Variants in ENKUR observed in about 807,000 individuals in gnomAD.
ENKUR encodes enkurin, TRPC channel interacting protein, also known as enkurin.
Under a neutral mutation model 27.6 loss-of-function variants are expected in ENKUR, and 19 were observed. The ratio of observed to expected loss-of-function variants is 0.69; its 90% CI spans 0.48 to 1.01. ENKUR has a LOEUF of 1.01. Ranked by LOEUF, ENKUR falls within the 50% of genes least tolerant of loss-of-function variation. The pLI is 0.00. For synonymous variants in ENKUR, 117 were observed against 96.9 expected, an observed-to-expected ratio of 1.21 and a Z score of -1.22; for missense variants, 312 against 310.5, an observed-to-expected ratio of 1.00 and a Z score of -0.04.
chr10:25,025,281 G>T (rs1427625713), intron 2 of ENKUR: 21 of 1,614,012 alleles, frequency 1.3e-5, no homozygotes, highest in Non-Finnish European at 1.4e-5. Flanking sequence ...AAATCAATGA[G>T]ACTTCATCAA....
chr10:24,984,304 A>G lies in ENKUR; in HGVS notation c.*66T>C. On this transcript the variant is annotated 3_prime_UTR_variant, in exon 6 of 6. Coordinates refer to ENST00000331161, the MANE Select transcript of ENKUR (RefSeq NM_145010.4). Reference sequence around the variant, plus strand: ...TGTGTTGGAGACAGTTTAGAGTAGCAAGAAGGCACGTGTTACTATTTCCAG... The same window carrying G: ...TGTGTTGGAGACAGTTTAGAGTAGCGAGAAGGCACGTGTTACTATTTCCAG... The G allele has an allele frequency of 1.3e-6, 2 of 1,564,162 alleles. No homozygotes were observed. Among genetic ancestry groups the G allele is most frequent in the Non-Finnish European group, 1.7e-6 (2 of 1,149,286 alleles).
intron 2 of ENKUR, among the ~76,000 whole-genome samples, chr10:24,997,024 C>A (rs543280586): frequency 6.6e-6 from 1 of 152,134 alleles, no homozygotes; most frequent in African/African-American, 2.4e-5. Flanking sequence ...GAAAAGATAA[C>A]CATCTACAAG....
upstream of ENKUR, among the ~76,000 whole-genome samples, chr10:25,016,379 C>G (rs1335957936): frequency 6.6e-6 from 1 of 152,208 alleles, no homozygotes; most frequent in African/African-American, 2.4e-5. Flanking sequence ...AAAGAAAAAT[C>G]CTAGTAGAGA....
chr10:25,042,886 T>C (rs986215531), intron 2 of ENKUR, among the ~76,000 whole-genome samples: 4 of 152,006 alleles, frequency 2.6e-5, no homozygotes, highest in African/African-American at 9.7e-5. Flanking sequence ...GGAAGAAATG[T>C]AAATGCAGTG....
rs1003209665 is a variant in ENKUR, at chr10:24,999,501, T to C, written c.123A>G (p.Lys41=). The change falls in exon 2 of 6, where the codon AAA becomes AAG. Residue 41 remains lysine (K), a synonymous_variant. Coordinates refer to ENST00000331161, the MANE Select transcript of ENKUR (RefSeq NM_145010.4). ...FKATVKDDMQ[K]AKTAMKTMGP... The stretch of plus-strand genomic sequence containing the variant: ...CCATAGTTTTCATTGCAGTTTTAGC[T>C]TTTTGCATGTCATCTTTTACAGTTG... 10 of 1,612,780 alleles carry C rather than the reference T, an allele frequency of 6.2e-6. No homozygotes were observed. In the African/African-American group the frequency reaches 1.3e-4, roughly 22 times the overall value.
chr10:24,998,373 CTCTCTCTCTT>C (rs1011601217), intron 2 of ENKUR, among the ~76,000 whole-genome samples: 1 of 132,814 alleles, frequency 7.5e-6, no homozygotes, highest in South Asian at 2.8e-4. Context: ...CTCTCTCTCT[CTCTCTCTCTT>C]TCTTTTTTTG....
At chr10:25,038,279 G>A (rs904435946) in intron 2 of ENKUR, among the ~76,000 whole-genome samples, 4 of 152,164 alleles carry the variant, frequency 2.6e-5, no homozygotes, top group East Asian at 1.9e-4. Context: ...AAAGATTTCC[G>A]TGAAATTTAC....
chr10:25,024,832 A>C, intron 2 of ENKUR: 1 of 1,614,190 alleles, frequency 6.2e-7, no homozygotes, highest in Non-Finnish European at 8.5e-7. Flanking sequence ...CTCTAATCAG[A>C]ACCATGTTTT....
At chr10:24,986,232 T>G (rs554117443) in intron 4 of ENKUR, among the ~76,000 whole-genome samples, 1 of 152,186 alleles carries the variant, frequency 6.6e-6, no homozygotes, top group African/African-American at 2.4e-5. Flanking sequence ...TTGTAGAAAC[T>G]TTCAGGGACA....
At chr10:24,996,186 G>T (rs757228412) in intron 2 of ENKUR, among the ~76,000 whole-genome samples, 5 of 152,162 alleles carry the variant, frequency 3.3e-5, no homozygotes, top group Non-Finnish European at 5.9e-5. Flanking sequence ...GGTGGCCCAC[G>T]GTGACGTGGG....
At chr10:25,013,869 G>A (rs1045907074) in intron 1 of ENKUR, among the ~76,000 whole-genome samples, 3 of 152,060 alleles carry the variant, frequency 2.0e-5, no homozygotes, top group East Asian at 1.9e-4. Flanking sequence ...TTGAACCCAG[G>A]AGGCAGAAGC....
At chr10:25,058,087 C>T (rs568298688) in intron 2 of ENKUR, among the ~76,000 whole-genome samples, 1 of 152,186 alleles carries the variant, frequency 6.6e-6, no homozygotes, top group South Asian at 2.1e-4. Context: ...AGCTGAAACG[C>T]TTCGTGCCCA....
intron 1 of ENKUR, among the ~76,000 whole-genome samples, chr10:25,009,896 C>A (rs1223494594): frequency 2.6e-5 from 4 of 152,162 alleles, no homozygotes; most frequent in Admixed American, 6.5e-5. Flanking sequence ...TGTGGAACTG[C>A]GAGTCAAACC....
chr10:25,013,994 GA>G (rs770484098), intron 1 of ENKUR, among the ~76,000 whole-genome samples: 28 of 152,000 alleles, frequency 1.8e-4, no homozygotes, highest in Non-Finnish European at 3.4e-4. Context: ...GAAAATCTTG[GA>G]AACCATCTTA....
Position 24,995,742 on chromosome 10 carries a change from C to G in ENKUR, c.351G>C (p.Val117=). 1 of 1,613,972 alleles carries G rather than the reference C, an allele frequency of 6.2e-7. No homozygotes were observed. Among genetic ancestry groups the G allele is most frequent in the South Asian group, 1.1e-5 (1 of 91,042 alleles). ...CATAAATTGGTTTAGGCTTTTTAGC[C>G]ACTCCCATGATGATATCAGCTGCAT... is the stretch of plus-strand genomic sequence containing the variant. The part of the protein sequence containing the change: ...NTNAADIIMG[V]AKKPKPIYVD... The change falls in exon 3 of 6, where the codon GTG becomes GTC. Residue 117 remains valine, a synonymous_variant. Coordinates refer to ENST00000331161, the MANE Select transcript of ENKUR (RefSeq NM_145010.4).
chr10:24,988,386 G>GTA (rs1564334545), intron 4 of ENKUR, among the ~76,000 whole-genome samples: 5 of 143,364 alleles, frequency 3.5e-5, no homozygotes, highest in Non-Finnish European at 7.6e-5. Flanking sequence ...GTATATATGT[G>GTA]TATATATTTA....
chr10:25,014,137 A>G (rs1214257833), intron 1 of ENKUR, among the ~76,000 whole-genome samples: 1 of 152,146 alleles, frequency 6.6e-6, no homozygotes, highest in African/African-American at 2.4e-5. Context: ...GGTCACATAC[A>G]TTCATCTTCT....
At chr10:25,016,956 C>A (rs543658810), upstream of ENKUR, among the ~76,000 whole-genome samples, 22 of 152,314 alleles carry the variant, frequency 1.4e-4, no homozygotes, top group African/African-American at 5.3e-4. Context: ...GCCGCGCAGC[C>A]CTGCCCGCCA....
chr10:25,023,978 G>A (rs748371602), intron 2 of ENKUR: 1 of 1,614,208 alleles, frequency 6.2e-7, no homozygotes, highest in Admixed American at 1.7e-5. Flanking sequence ...AAATTCTTTA[G>A]TGAAGCTGTA....
Sources: gnomAD v4.1 joint callset for allele counts (sites outside exome capture counted in the v4.1 genomes callset) on GRCh38, gnomAD v4.1.1 for gene constraint, MANE v1.5 for transcripts, NCBI Gene and HGNC (gene_info 2026-07-23, HGNC 2026-07-21) for gene names.